The following MIA2 variants were observed in gnomAD, a reference collection of about 807,000 sequenced individuals.
MIA2 encodes the protein melanoma inhibitory activity protein 2.
A neutral mutation model predicts 167.8 loss-of-function variants in MIA2; 127 were observed. The ratio of observed to expected loss-of-function variants is 0.76; its 90% confidence interval spans 0.66 to 0.88. The LOEUF is 0.88. Among genes scored for constraint, MIA2 ranks in the 40% least tolerant of loss-of-function variants. The pLI, the probability that MIA2 is intolerant of heterozygous loss-of-function variation, is 0.00. For synonymous variants in MIA2, 552 were observed against 541.9 expected, an observed-to-expected ratio of 1.02 and a Z score of -0.26; for missense variants, 1,690 against 1,624.7, an observed-to-expected ratio of 1.04 and a Z score of -0.69.
intron 6 of MIA2, among the ~76,000 whole-genome samples, chr14:39,263,743 T>C (rs578087770): frequency 3.9e-4 from 59 of 152,028 alleles, no homozygotes; most frequent in African/African-American, 1.3e-3. Flanking sequence ...ATGATTTTCC[T>C]GCCTTAGCTT....
chr14:39,241,974 G>A (rs1209945676), intron 3 of MIA2, among the ~76,000 whole-genome samples: 1 of 152,064 alleles, frequency 6.6e-6, no homozygotes, highest in African/African-American at 2.4e-5. Context: ...TATTTCTTCT[G>A]GTTGGAATGC....
rs1215435103 is a variant in MIA2, at chr14:39,288,450, TATATATATATATATATATATA to T, written c.2131-2568_2131-2548del. Among the ~76,000 whole-genome samples the T allele has an allele frequency of 3.5e-3, 89 of 25,404 alleles. 4 individuals are homozygous for T. The highest frequency in any genetic ancestry group is 8.0e-3 in the East Asian group (7 of 876). The allele number at this position is 25,404 out of a possible 152,430, so 16.7% of individuals were successfully genotyped here. A position where few individuals can be genotyped will look rare whatever the true frequency, so the allele number is the denominator to read the frequency against. ...TATTATACATATATATATATATATA[TATATATATATATATATATATA>T]TATATTTTTTTTTTTTTTTTTGAGA... On this transcript the variant is annotated intron_variant, in intron 9 of 28. Transcript: ENST00000640607.
intron 2 of MIA2, among the ~76,000 whole-genome samples, chr14:39,238,811 A>AAAAAAAAAAAAAACAAAAAAC: frequency 4.8e-5 from 5 of 103,632 alleles, no homozygotes; most frequent in African/African-American, 7.8e-5. Context: ...AAAAAAAAAA[A>AAAAAAAAAAAAAACAAAAAAC]CCCAAAAAAC....
chr14:39,239,028 A>T (rs1292000204), intron 2 of MIA2, among the ~76,000 whole-genome samples: 1 of 152,168 alleles, frequency 6.6e-6, no homozygotes, highest in Non-Finnish European at 1.5e-5. Flanking sequence ...AAGCTGAACA[A>T]GCATGGTCGA....
chr14:39,273,064 C>G (rs988252648), intron 6 of MIA2, among the ~76,000 whole-genome samples: 4 of 152,066 alleles, frequency 2.6e-5, no homozygotes, highest in South Asian at 2.1e-4. Context: ...AGGATTTTCT[C>G]TGTGTATAGA....
intron 6 of MIA2, among the ~76,000 whole-genome samples, chr14:39,259,374 G>A (rs1212009317): frequency 1.3e-5 from 2 of 152,168 alleles, no homozygotes; most frequent in Non-Finnish European, 2.9e-5. Flanking sequence ...ACAGCTACTA[G>A]TATACTGACT....
At chr14:39,288,393 A>G (rs2060099488) in intron 9 of MIA2, among the ~76,000 whole-genome samples, 1 of 139,922 alleles carries the variant, frequency 7.1e-6, no homozygotes, top group Admixed American at 7.5e-5. Flanking sequence ...TGTGAATGTG[A>G]TGTATCACAT....
At chr14:39,313,864 C>T (rs2064830168) in intron 19 of MIA2, among the ~76,000 whole-genome samples, 1 of 151,984 alleles carries the variant, frequency 6.6e-6, no homozygotes, top group Non-Finnish European at 1.5e-5. Context: ...ATTTAAAAGA[C>T]TATAAATCTA....
chr14:39,365,662 T>A (rs920768840), intron 23 of MIA2, among the ~76,000 whole-genome samples: 2 of 34,224 alleles, frequency 5.8e-5, no homozygotes, highest in African/African-American at 2.1e-4. Context: ...TATCTATCTA[T>A]CTATCTATCT....
At chr14:39,348,645 T>C in intron 27 of MIA2, 98 bp from the exon 28 acceptor site, 1 of 1,496,428 alleles carries the variant, frequency 6.7e-7, no homozygotes, top group South Asian at 1.1e-5. Flanking sequence ...TATCATGGAA[T>C]GCTTTCTGTC....
intron 4 of MIA2, among the ~76,000 whole-genome samples, chr14:39,251,201 A>G (rs2054555759): frequency 6.6e-6 from 1 of 152,176 alleles, no homozygotes; most frequent in Admixed American, 6.5e-5. Flanking sequence ...TTTATAGAAA[A>G]CTAACATATT....
chr14:39,337,014 C>T (rs1054182117), intron 25 of MIA2, among the ~76,000 whole-genome samples: 1 of 152,106 alleles, frequency 6.6e-6, no homozygotes, highest in African/African-American at 2.4e-5. Context: ...CCTCAGCCTC[C>T]TGAATAGTGG....
intron 23 of MIA2, among the ~76,000 whole-genome samples, chr14:39,376,740 A>ATTT (rs554073856): frequency 5.3e-5 from 8 of 152,198 alleles, no homozygotes; most frequent in Non-Finnish European, 8.8e-5. Context: ...GGGCTTCAAT[A>ATTT]TTTAAAGGGG....
At chr14:39,277,399 G>A (rs920043809) in intron 7 of MIA2, among the ~76,000 whole-genome samples, 6 of 151,546 alleles carry the variant, frequency 4.0e-5, no homozygotes, top group Non-Finnish European at 4.4e-5. Context: ...GAGGACACCC[G>A]TCTGTGGTCC....
At chr14:39,251,097 T>G (rs1241129852) in intron 4 of MIA2, among the ~76,000 whole-genome samples, 2 of 152,118 alleles carry the variant, frequency 1.3e-5, no homozygotes, top group Non-Finnish European at 2.9e-5. Context: ...TTTCAGGGAA[T>G]AACAAATGAA....
At chr14:39,357,722 T>G (rs2074566519) in intron 23 of MIA2, among the ~76,000 whole-genome samples, 1 of 152,360 alleles carries the variant, frequency 6.6e-6, no homozygotes. Context: ...AGTGCTTCCT[T>G]CAGGAGCTCC....
In MIA2 at chr14:39,286,340, C is replaced by T. The variant is rs1232893346; in HGVS notation, c.2131-4679C>T. On this transcript the variant is annotated intron_variant, in intron 9 of 28. Transcript: ENST00000640607. ...CGCGCCTGCAATTGCAGGCACTCGG[C>T]AGGCTGAGGCAGGAGAATCAGGCAG... is the stretch of plus-strand genomic sequence containing the variant. Among the ~76,000 whole-genome samples the T allele has an allele frequency of 2.0e-5, 3 of 151,886 alleles. No homozygotes were observed. The South Asian group carries it at 6.2e-4, about 31-fold the overall frequency.
intron 23 of MIA2, among the ~76,000 whole-genome samples, chr14:39,372,118 G>A (rs1324676571): frequency 6.6e-6 from 1 of 152,084 alleles, no homozygotes; most frequent in Non-Finnish European, 1.5e-5. Context: ...TCATCTGAAT[G>A]ATGTGGAATA....
chr14:39,259,219 C>G (rs1041336238), intron 6 of MIA2, among the ~76,000 whole-genome samples: 7 of 152,218 alleles, frequency 4.6e-5, no homozygotes, highest in Non-Finnish European at 8.8e-5. Context: ...CCCAGGTGCT[C>G]TGTCCCAGGG....
Sources: gnomAD v4.1 joint callset for allele counts (sites outside exome capture counted in the v4.1 genomes callset) on GRCh38, gnomAD v4.1.1 for gene constraint, MANE v1.5 for transcripts, NCBI Gene and HGNC (gene_info 2026-07-23, HGNC 2026-07-21) for gene names.